The following AUTS2 variants were observed in gnomAD, a reference collection of about 807,000 sequenced individuals.
AUTS2 encodes autism susceptibility gene 2 protein.
Under a neutral mutation model 112.4 loss-of-function variants are expected in AUTS2, and 17 were observed. That is an observed-to-expected ratio of 0.15 (90% CI 0.10 to 0.23). The LOEUF is 0.23. AUTS2 is among the 10% of genes least tolerant of loss of function. The pLI, the probability that AUTS2 is intolerant of heterozygous loss-of-function variation, is 1.00. For missense variants in AUTS2, 1,510 were observed against 1,701.6 expected (o/e 0.89, Z 1.98); for synonymous variants, 751 against 702.7 (o/e 1.07, Z -1.09).
At chr7:69,901,946 A>G (rs1303012616) in intron 2 of AUTS2, among the ~76,000 whole-genome samples, 1 of 152,226 alleles carries the variant, frequency 6.6e-6, no homozygotes, top group Non-Finnish European at 1.5e-5. Context: ...AGTTTTTTAA[A>G]TTTATGAATA....
chr7:70,698,432 A>G, intron 5 of AUTS2, 137 bp from the exon 6 acceptor site: 2 of 690,214 alleles, frequency 2.9e-6, no homozygotes, highest in Non-Finnish European at 4.8e-6. Context: ...CACCTTATGG[A>G]TGATTTGGGG....
At position 70,658,611 on chromosome 7, in the gene AUTS2, A is replaced by G. The variant is rs376553776; in HGVS notation, c.691-39958A>G. ...GAGGTACTTCTTTCAGCGTTGTCCT[A>G]TAGGATTCTTAAGAACTGCCGGGGA... is the stretch of plus-strand genomic sequence containing the variant. On this transcript the variant is annotated intron_variant, in intron 5 of 18. Coordinates refer to ENST00000342771, the MANE Select transcript of AUTS2 (RefSeq NM_015570.4). Among the ~76,000 whole-genome samples the G allele has an allele frequency of 2.0e-5, 3 of 152,338 alleles. No homozygotes were observed. In the East Asian group the frequency reaches 5.8e-4, roughly 29 times the overall value.
Position 69,784,973 on chromosome 7 carries a change from G to A in AUTS2, c.310-114313G>A, listed in dbSNP as rs369604438. On this transcript the variant is annotated intron_variant, in intron 1 of 18. Transcript: ENST00000342771. ...ACCTTATACTCTAGCCAAGGGGGTGGTGGTGATGAGGACATATTTATAATG... is the reference window on the plus strand; with the variant it reads ...ACCTTATACTCTAGCCAAGGGGGTGATGGTGATGAGGACATATTTATAATG... 3.9e-5 allele frequency among the ~76,000 whole-genome samples: 6 copies of A among 152,190 alleles called. No individual in the cohort carries two copies. The East Asian group carries it at 5.8e-4, about 15-fold the overall frequency.
chr7:69,864,626 A>G (rs536300642), intron 1 of AUTS2, among the ~76,000 whole-genome samples: 2 of 152,348 alleles, frequency 1.3e-5, no homozygotes, highest in Admixed American at 6.5e-5. Flanking sequence ...GGAGGCTCAC[A>G]TTTATTTGCA....
chr7:70,285,844 G>A (rs1788433801), intron 4 of AUTS2, among the ~76,000 whole-genome samples: 1 of 152,226 alleles, frequency 6.6e-6, no homozygotes, highest in East Asian at 1.9e-4. Context: ...TAATGAACAG[G>A]AGATGTGGTC....
intron 5 of AUTS2, among the ~76,000 whole-genome samples, chr7:70,487,060 C>T (rs978873439): frequency 1.3e-5 from 2 of 152,108 alleles, no homozygotes; most frequent in African/African-American, 4.8e-5. Context: ...GAGGACAGCC[C>T]CTCCCTATTT....
intron 5 of AUTS2, among the ~76,000 whole-genome samples, chr7:70,638,443 G>T (rs1272574428): frequency 6.6e-6 from 1 of 152,154 alleles, no homozygotes; most frequent in Non-Finnish European, 1.5e-5. Flanking sequence ...AATGATTCAG[G>T]GGGCCAAACT....
intron 11 of AUTS2, among the ~76,000 whole-genome samples, chr7:70,772,515 A>G (rs1358665142): frequency 1.3e-5 from 2 of 152,172 alleles, no homozygotes; most frequent in Non-Finnish European, 2.9e-5. Flanking sequence ...GCTGTGTGCC[A>G]TTGGGTTTTC....
chr7:69,762,741 C>T (rs1325143523), intron 1 of AUTS2, among the ~76,000 whole-genome samples: 4 of 152,106 alleles, frequency 2.6e-5, no homozygotes, highest in Non-Finnish European at 5.9e-5. Context: ...CATATTTCGA[C>T]TACATGGTCA....
chr7:70,650,926 C>T lies in AUTS2; in HGVS notation c.691-47643C>T, dbSNP rs529678774. On this transcript the variant is annotated intron_variant, in intron 5 of 18. Coordinates refer to ENST00000342771, the MANE Select transcript of AUTS2 (RefSeq NM_015570.4). ...TTCAAATCAGGGGAAGAAAGGATCA[C>T]GTTGAGGGCATGGCTGAGGCCCAAG... 9.2e-5 allele frequency among the ~76,000 whole-genome samples: 14 copies of T among 152,200 alleles called. No individual in the cohort carries two copies. The East Asian group carries it at 2.3e-3, about 25-fold the overall frequency.
At chr7:70,165,734 A>T (rs970334186) in intron 4 of AUTS2, among the ~76,000 whole-genome samples, 20 of 152,196 alleles carry the variant, frequency 1.3e-4, no homozygotes, top group African/African-American at 4.3e-4. Context: ...ACACAAAGGA[A>T]TGATGGACAC....
At chr7:70,535,659 C>T (rs559841579) in intron 5 of AUTS2, among the ~76,000 whole-genome samples, 2 of 152,148 alleles carry the variant, frequency 1.3e-5, no homozygotes, top group East Asian at 3.9e-4. Context: ...AGGTGATCCA[C>T]CCGCCTCAGC....
intron 1 of AUTS2, among the ~76,000 whole-genome samples, chr7:69,829,173 A>T (rs1280818378): frequency 6.6e-6 from 1 of 152,206 alleles, no homozygotes; most frequent in Non-Finnish European, 1.5e-5. Flanking sequence ...TGGTGCTGGG[A>T]AAACTGGCTA....
At chr7:70,245,320 C>G (rs1464428291) in intron 4 of AUTS2, among the ~76,000 whole-genome samples, 1 of 151,778 alleles carries the variant, frequency 6.6e-6, no homozygotes, top group Non-Finnish European at 1.5e-5. Flanking sequence ...TGCTAATGGC[C>G]TAATAGTTTT....
At chr7:70,348,773 T>G (rs1382392411) in intron 4 of AUTS2, among the ~76,000 whole-genome samples, 3 of 152,160 alleles carry the variant, frequency 2.0e-5, no homozygotes, top group African/African-American at 7.2e-5. Context: ...ATCATGCCAC[T>G]GCACTCCAGC....
chr7:70,264,911 T>A (rs1787344013), intron 4 of AUTS2, among the ~76,000 whole-genome samples: 1 of 152,224 alleles, frequency 6.6e-6, no homozygotes, highest in Non-Finnish European at 1.5e-5. Context: ...TTTATAAGTT[T>A]GATTGTGTAC....
At chr7:69,856,405 G>A (rs924640605) in intron 1 of AUTS2, among the ~76,000 whole-genome samples, 4 of 152,258 alleles carry the variant, frequency 2.6e-5, no homozygotes, top group Admixed American at 2.0e-4. Context: ...CAGTTAACTC[G>A]TCTCTTGAAT....
At chr7:70,616,043 C>T (rs1804348742) in intron 5 of AUTS2, among the ~76,000 whole-genome samples, 1 of 152,168 alleles carries the variant, frequency 6.6e-6, no homozygotes, top group Non-Finnish European at 1.5e-5. Flanking sequence ...CCACATGCAG[C>T]CCAGAAACTT....
chr7:70,108,029 T>C (rs1804867374), intron 2 of AUTS2, among the ~76,000 whole-genome samples: 1 of 151,850 alleles, frequency 6.6e-6, no homozygotes, highest in Admixed American at 6.6e-5. Context: ...AAAAAAAGTT[T>C]AACTCTAGTG....
Sources: gnomAD v4.1 joint callset for allele counts (sites outside exome capture counted in the v4.1 genomes callset) on GRCh38, gnomAD v4.1.1 for gene constraint, MANE v1.5 for transcripts, NCBI Gene and HGNC (gene_info 2026-07-23, HGNC 2026-07-21) for gene names.